The following RORA variants were observed in gnomAD, a reference collection of about 807,000 sequenced individuals.
RORA encodes nuclear receptor ROR-alpha.
In RORA, 7 loss-of-function variants were observed where a neutral mutation model predicts 69.5. That is an observed-to-expected ratio of 0.10 (90% CI 0.06 to 0.19). The LOEUF (loss-of-function observed/expected upper bound fraction) is 0.19. Ranked by LOEUF, RORA falls within the 10% of genes least tolerant of loss-of-function variation. RORA has a pLI of 1.00. For synonymous variants in RORA, 261 were observed against 240.8 expected (o/e 1.08, Z -0.78); for missense variants, 457 against 663.0 (o/e 0.69, Z 3.41).
At chr15:61,168,545 C>T (rs1378308643) in intron 1 of RORA, among the ~76,000 whole-genome samples, 1 of 152,108 alleles carries the variant, frequency 6.6e-6, no homozygotes, top group Non-Finnish European at 1.5e-5. Context: ...AGGTGTGAGC[C>T]ACTGTGCCTG....
At chr15:60,931,886 G>A (rs2140500976) in intron 1 of RORA, among the ~76,000 whole-genome samples, 1 of 152,294 alleles carries the variant, frequency 6.6e-6, no homozygotes, top group East Asian at 1.9e-4. Context: ...TTAACACCAT[G>A]TCAGGGAGCC....
intron 1 of RORA, among the ~76,000 whole-genome samples, chr15:60,934,534 T>C (rs1448198629): frequency 2.0e-5 from 3 of 152,144 alleles, no homozygotes; most frequent in African/African-American, 7.2e-5. Flanking sequence ...GAGGTCTCAC[T>C]ATGTGACCCA....
chr15:60,700,002 T>C (rs1160042102), intron 1 of RORA, among the ~76,000 whole-genome samples: 1 of 152,186 alleles, frequency 6.6e-6, no homozygotes, highest in East Asian at 1.9e-4. Flanking sequence ...TTTCTGTTTT[T>C]TGTCCGGAAG....
At chr15:60,967,740 T>C (rs1893595969) in intron 1 of RORA, among the ~76,000 whole-genome samples, 1 of 152,158 alleles carries the variant, frequency 6.6e-6, no homozygotes, top group African/African-American at 2.4e-5. Context: ...TTTATGTGAG[T>C]AAATAGAAGG....
intron 1 of RORA, among the ~76,000 whole-genome samples, chr15:61,089,695 A>T (rs1034318910): frequency 1.3e-5 from 2 of 152,178 alleles, no homozygotes; most frequent in African/African-American, 4.8e-5. Context: ...TCAGAGCCAC[A>T]TTTTTGTGTG....
At position 60,704,714 on chromosome 15, in the gene RORA, G is replaced by A. The variant is rs147675077; in HGVS notation, c.167-26028C>T. ...TTCAAATGCGTAATCTAGGTCGGAC[G>A]GGCACTGATTCACAGAATACTATAT... On this transcript the variant is annotated intron_variant, in intron 1 of 10. Transcript: ENST00000335670. Among the ~76,000 whole-genome samples, 1,387 of 152,282 alleles carry A rather than the reference G, an allele frequency of 9.1e-3. 13 individuals carry two copies. The highest frequency in any genetic ancestry group is 0.037 in the Middle Eastern group (11 of 294).
intron 1 of RORA, among the ~76,000 whole-genome samples, chr15:60,984,366 T>C (rs574704880): frequency 1.2e-3 from 186 of 151,896 alleles, no homozygotes; most frequent in South Asian, 3.7e-3. Flanking sequence ...ATCGTGACAA[T>C]AGTAATAGCA....
chr15:61,121,604 G>C lies in RORA; in HGVS notation c.166+107449C>G, dbSNP rs73432709. Among the ~76,000 whole-genome samples, 492 of 152,146 alleles carry C rather than the reference G, an allele frequency of 3.2e-3. 2 individuals are homozygous for C. The highest frequency in any genetic ancestry group is 0.011 in the African/African-American group (457 of 41,502). On this transcript the variant is annotated intron_variant, in intron 1 of 10. Coordinates refer to ENST00000335670, the MANE Select transcript of RORA (RefSeq NM_134261.3). ...GCACCAGGATCTCAAATCTGTCATG[G>C]CGAGGGCAAGAAGAAATGCCCTCCT...
At chr15:61,047,366 G>A (rs762673131) in intron 1 of RORA, among the ~76,000 whole-genome samples, 1 of 152,244 alleles carries the variant, frequency 6.6e-6, no homozygotes, top group Admixed American at 6.5e-5. Context: ...AGGAAGACCA[G>A]TTTTCTCATT....
intron 1 of RORA, among the ~76,000 whole-genome samples, chr15:61,075,550 G>C (rs12915672): frequency 0.19 from 28,903 of 152,136 alleles, 3,287 homozygotes; most frequent in East Asian, 0.29. Context: ...TAAGGGTTTG[G>C]GTTGAGCAAA....
chr15:60,627,204 G>A, intron 2 of RORA: 2 of 1,592,544 alleles, frequency 1.3e-6, no homozygotes, highest in Non-Finnish European at 1.7e-6. Flanking sequence ...ACAGTGATCA[G>A]CAGAGCAAAG....
rs928836423 is a variant in RORA at position 60,498,509 on chromosome 15, C to T, written c.1408-890G>A. ...AGAGTCAGAAGGCCTGGATGGAGGC[C>T]CTAGCATTGACCATTTACCAGCTGA... On this transcript the variant is annotated intron_variant, in intron 10 of 10. Coordinates refer to ENST00000335670, the MANE Select transcript of RORA (RefSeq NM_134261.3). Among the ~76,000 whole-genome samples the T allele has an allele frequency of 4.6e-5, 7 of 152,250 alleles. No homozygotes were observed. The East Asian group carries it at 1.3e-3, about 29-fold the overall frequency.
At chr15:60,926,143 C>G (rs573266681) in intron 1 of RORA, among the ~76,000 whole-genome samples, 2 of 152,336 alleles carry the variant, frequency 1.3e-5, no homozygotes, top group South Asian at 4.1e-4. Flanking sequence ...AGGTATACAT[C>G]TATGGTTTTG....
intron 1 of RORA, among the ~76,000 whole-genome samples, chr15:60,980,630 G>T (rs1473418267): frequency 6.6e-6 from 1 of 151,958 alleles, no homozygotes; most frequent in African/African-American, 2.4e-5. Flanking sequence ...CTAGGACTTT[G>T]TCCATTTTAT....
chr15:61,025,391 C>CTGTG (rs1895755635), intron 1 of RORA, among the ~76,000 whole-genome samples: 1 of 152,216 alleles, frequency 6.6e-6, no homozygotes, highest in African/African-American at 2.4e-5. Flanking sequence ...CGGGCCCTAG[C>CTGTG]TGTGCTTCAG....
chr15:60,541,322 T>C (rs2066864983), intron 2 of RORA, among the ~76,000 whole-genome samples: 1 of 152,222 alleles, frequency 6.6e-6, no homozygotes, highest in Non-Finnish European at 1.5e-5. Flanking sequence ...TCAATGGTAT[T>C]TCAAAAAATT....
At chr15:61,187,615 A>G (rs1029685344) in intron 1 of RORA, among the ~76,000 whole-genome samples, 2 of 152,240 alleles carry the variant, frequency 1.3e-5, no homozygotes, top group Non-Finnish European at 2.9e-5. Flanking sequence ...GCTGAGAATT[A>G]GTCTTACACT....
chr15:60,806,488 C>T (rs553841949), intron 1 of RORA, among the ~76,000 whole-genome samples: 27 of 152,314 alleles, frequency 1.8e-4, no homozygotes, highest in East Asian at 5.8e-4. Context: ...GTATTACTAA[C>T]GGAAACTTCT....
chr15:60,939,844 T>C (rs1381617793), intron 1 of RORA, among the ~76,000 whole-genome samples: 1 of 152,206 alleles, frequency 6.6e-6, no homozygotes, highest in East Asian at 1.9e-4. Context: ...GCACTTAGAA[T>C]GGCTGAAAAG....
Sources: allele counts gnomAD v4.1 joint callset (sites outside exome capture counted in the v4.1 genomes callset), GRCh38; gene constraint gnomAD v4.1.1; transcripts MANE v1.5; gene names NCBI Gene and HGNC (gene_info 2026-07-23, HGNC 2026-07-21).